Variants in MALRD1 observed in about 807,000 individuals in gnomAD.
The protein encoded by MALRD1 is MAM and LDL receptor class A domain containing 1.
MALRD1 carries 247 observed loss-of-function variants against 242.1 expected under a neutral mutation model. The observed-to-expected ratio is 1.02, with a 90% CI of 0.92 to 1.13. The LOEUF (loss-of-function observed/expected upper bound fraction) is 1.13. Ranked by LOEUF, MALRD1 falls within the 50% of genes most tolerant of loss-of-function variation. The pLI is 0.00. For missense variants in MALRD1, 2,989 were observed against 2,533.1 expected (o/e 1.18, Z -3.86); for synonymous variants, 995 against 866.6 (o/e 1.15, Z -2.60).
chr10:19,495,137 C>A (rs1208898821), intron 30 of MALRD1, among the ~76,000 whole-genome samples: 3 of 152,122 alleles, frequency 2.0e-5, no homozygotes, highest in East Asian at 3.9e-4. Flanking sequence ...CCACCACACC[C>A]AGCTAATTTT....
intron 4 of MALRD1, among the ~76,000 whole-genome samples, chr10:19,102,942 G>A (rs1836321403): frequency 1.3e-5 from 2 of 151,818 alleles, no homozygotes; most frequent in East Asian, 2.0e-4. Flanking sequence ...TGCGCCTCCC[G>A]GTTCAAGCAA....
At chr10:19,485,743 A>T (rs1416302403) in intron 29 of MALRD1, among the ~76,000 whole-genome samples, 1 of 152,106 alleles carries the variant, frequency 6.6e-6, no homozygotes, top group Non-Finnish European at 1.5e-5. Flanking sequence ...CCTAAAAGAG[A>T]CAAATCCATC....
intron 36 of MALRD1, among the ~76,000 whole-genome samples, chr10:19,659,626 G>C (rs1421686812): frequency 6.6e-6 from 1 of 152,008 alleles, no homozygotes; most frequent in African/African-American, 2.4e-5. Context: ...ATAACGCATT[G>C]TCTGGATCTT....
At chr10:19,197,635 C>A (rs1469846242) in intron 14 of MALRD1, among the ~76,000 whole-genome samples, 1 of 152,156 alleles carries the variant, frequency 6.6e-6, no homozygotes, top group Non-Finnish European at 1.5e-5. Context: ...CTTGCTTCCT[C>A]ACCTACCTCC....
chr10:19,222,156 G>T (rs1837583771), intron 18 of MALRD1, among the ~76,000 whole-genome samples: 1 of 151,118 alleles, frequency 6.6e-6, no homozygotes, highest in African/African-American at 2.4e-5. Context: ...TTTCCTTCTT[G>T]TTCCCTCCCT....
intron 4 of MALRD1, among the ~76,000 whole-genome samples, chr10:19,097,408 C>T (rs1368303342): frequency 6.6e-6 from 1 of 152,200 alleles, no homozygotes; most frequent in African/African-American, 2.4e-5. Flanking sequence ...ATTCTTTTGT[C>T]TGCTGTGCTG....
chr10:19,284,243 T>C (rs1840980459), intron 21 of MALRD1, among the ~76,000 whole-genome samples: 1 of 137,620 alleles, frequency 7.3e-6, no homozygotes, highest in South Asian at 2.8e-4. Context: ...GTATTTTACA[T>C]ACCAACTTTT....
intron 7 of MALRD1, among the ~76,000 whole-genome samples, chr10:19,125,369 C>CTTTCTTTCTT (rs1837245621): frequency 8.7e-6 from 1 of 114,954 alleles, no homozygotes; most frequent in African/African-American, 3.6e-5. Context: ...TTCTTTCTTT[C>CTTTCTTTCTT]TTTCTTTCTT....
At position 19,489,313 on chromosome 10, in the gene MALRD1, A is replaced by G. The variant is rs1837378824; in HGVS notation, c.5030-2204A>G. 1.5e-5 allele frequency: 8 copies of G among 520,494 alleles called. No individual in the cohort carries two copies. In the Admixed American group the frequency reaches 1.6e-4, roughly 11 times the overall value. The allele number at this position is 520,494 out of a possible 1,614,324, so 32.2% of individuals were successfully genotyped here. The stretch of plus-strand genomic sequence containing the variant: ...CCTAAGTGGCTAACCACGAAAGTAA[A>G]GAAGAGTTAACTGCAGAAAACGGGG... On this transcript the variant is annotated intron_variant, in intron 29 of 39. Transcript: ENST00000454679.
intron 21 of MALRD1, among the ~76,000 whole-genome samples, chr10:19,311,849 C>A (rs1183840665): frequency 4.0e-5 from 6 of 151,384 alleles, no homozygotes; most frequent in Non-Finnish European, 7.4e-5. Context: ...GCTAGCATTG[C>A]CTTAGAATAA....
chr10:19,148,786 A>ATATATATAT (rs1220802758), intron 11 of MALRD1, among the ~76,000 whole-genome samples: 18 of 68,192 alleles, frequency 2.6e-4, no homozygotes, highest in South Asian at 1.2e-3. Flanking sequence ...AAAAAAAAAA[A>ATATATATAT]AAATATATAT....
chr10:19,414,048 A>G (rs1052483675), intron 28 of MALRD1, among the ~76,000 whole-genome samples: 26 of 139,742 alleles, frequency 1.9e-4, no homozygotes, highest in African/African-American at 7.3e-4. Context: ...TCCAAAAAAC[A>G]AAAAAAAAAA....
At chr10:19,069,675 T>C (rs1012114747) in intron 2 of MALRD1, among the ~76,000 whole-genome samples, 1 of 151,840 alleles carries the variant, frequency 6.6e-6, no homozygotes. Context: ...TTTTTCATGG[T>C]CTTTTTTTTT....
chr10:19,644,366 G>C (rs572622915), intron 36 of MALRD1, among the ~76,000 whole-genome samples: 15 of 116,796 alleles, frequency 1.3e-4, no homozygotes, highest in Admixed American at 9.1e-4. Flanking sequence ...TCATTTGAAA[G>C]AGACATTAAC....
At chr10:19,677,901 C>G (rs181193563) in intron 36 of MALRD1, among the ~76,000 whole-genome samples, 281 of 152,152 alleles carry the variant, frequency 1.8e-3, no homozygotes, top group African/African-American at 6.6e-3. Context: ...GCCAGTTATC[C>G]CAGCACCATT....
At chr10:19,471,008 A>C (rs1045957743) in intron 29 of MALRD1, among the ~76,000 whole-genome samples, 7 of 151,830 alleles carry the variant, frequency 4.6e-5, no homozygotes, top group African/African-American at 7.2e-5. Flanking sequence ...CCAAAAATTT[A>C]TTGCCAAGAT....
intron 24 of MALRD1, among the ~76,000 whole-genome samples, chr10:19,344,384 A>G (rs1435953335): frequency 6.6e-6 from 1 of 152,030 alleles, no homozygotes; most frequent in Non-Finnish European, 1.5e-5. Flanking sequence ...CCTATAACCA[A>G]CTACTCCAGC....
intron 38 of MALRD1, among the ~76,000 whole-genome samples, chr10:19,724,200 T>C (rs1328696397): frequency 6.6e-6 from 1 of 152,248 alleles, no homozygotes; most frequent in African/African-American, 2.4e-5. Context: ...TGAGTTTCAC[T>C]AAGCAGCCTG....
intron 28 of MALRD1, among the ~76,000 whole-genome samples, chr10:19,389,969 A>G (rs969941662): frequency 3.0e-4 from 45 of 152,110 alleles, no homozygotes; most frequent in African/African-American, 9.9e-4. Flanking sequence ...GCCCCTCTCT[A>G]TAGGTGGCAT....
Sources: allele counts gnomAD v4.1 joint callset (sites outside exome capture counted in the v4.1 genomes callset), GRCh38; gene constraint gnomAD v4.1.1; transcripts MANE v1.5; gene names NCBI Gene and HGNC (gene_info 2026-07-23, HGNC 2026-07-21).